ADAMTS6: variants seen among roughly 807,000 people sequenced by gnomAD.
The protein encoded by ADAMTS6 is A disintegrin and metalloproteinase with thrombospondin motifs 6.
In ADAMTS6, 23 loss-of-function variants were observed where a neutral mutation model predicts 144.3. The observed-to-expected ratio is 0.16, with a 90% CI of 0.11 to 0.23. ADAMTS6 has a LOEUF of 0.23. Among genes scored for constraint, ADAMTS6 ranks in the 10% least tolerant of loss-of-function variants. The pLI is 1.00. For synonymous variants in ADAMTS6, 444 were observed against 457.5 expected (o/e 0.97, Z 0.38); for missense variants, 999 against 1,379.6 (o/e 0.72, Z 4.37).
At chr5:65,375,568 C>G (rs1488013892) in intron 7 of ADAMTS6, among the ~76,000 whole-genome samples, 2 of 152,114 alleles carry the variant, frequency 1.3e-5, no homozygotes, top group African/African-American at 4.8e-5. Context: ...GAGATACCAT[C>G]TCACATCAGT....
At chr5:65,307,063 C>T (rs1744005680) in intron 9 of ADAMTS6, among the ~76,000 whole-genome samples, 1 of 152,004 alleles carries the variant, frequency 6.6e-6, no homozygotes. Flanking sequence ...TTCCTTATGT[C>T]TTATTTAAAA....
chr5:65,245,194 TCTA>T (rs1485459754), intron 14 of ADAMTS6, among the ~76,000 whole-genome samples: 1 of 152,170 alleles, frequency 6.6e-6, no homozygotes, highest in Non-Finnish European at 1.5e-5. Context: ...TCCTTACTCT[TCTA>T]CTCTGCTCTA....
chr5:65,162,734 C>G (rs988044039), intron 24 of ADAMTS6, among the ~76,000 whole-genome samples: 1 of 151,368 alleles, frequency 6.6e-6, no homozygotes, highest in Non-Finnish European at 1.5e-5. Context: ...TAACATAATA[C>G]CCAACACAGA....
intron 7 of ADAMTS6, among the ~76,000 whole-genome samples, chr5:65,433,321 A>C (rs773647592): frequency 3.3e-5 from 5 of 152,098 alleles, no homozygotes; most frequent in Admixed American, 6.6e-5. Flanking sequence ...CAAAAACCTC[A>C]CACATCATGT....
At chr5:65,443,590 T>TCCAGC (rs139383917) in intron 7 of ADAMTS6, among the ~76,000 whole-genome samples, 3,608 of 120,742 alleles carry the variant, frequency 0.03, 171 homozygotes, top group African/African-American at 0.11. Context: ...AACACTGCAC[T>TCCAGC]CCAGCCTAGG....
At chr5:65,251,362 A>C (rs1760142632) in intron 14 of ADAMTS6, 2 of 152,444 alleles carry the variant, frequency 1.3e-5, no homozygotes, top group African/African-American at 2.4e-5. Context: ...TCTGCCCTCC[A>C]AACCCAGGTT....
At chr5:65,212,575 T>C (rs1756620122) in intron 20 of ADAMTS6, among the ~76,000 whole-genome samples, 1 of 152,168 alleles carries the variant, frequency 6.6e-6, no homozygotes, top group African/African-American at 2.4e-5. Context: ...TCAGTTCTCA[T>C]GGCCTTTTTC....
intron 8 of ADAMTS6, among the ~76,000 whole-genome samples, chr5:65,330,555 T>C (rs1242887672): frequency 6.6e-6 from 1 of 152,060 alleles, no homozygotes; most frequent in African/African-American, 2.4e-5. Flanking sequence ...GTAAGCAATG[T>C]TCTGTGCTAG....
chr5:65,193,630 G>A (rs751438986), intron 21 of ADAMTS6, among the ~76,000 whole-genome samples: 2 of 151,954 alleles, frequency 1.3e-5, no homozygotes, highest in African/African-American at 2.4e-5. Flanking sequence ...ACTGTTAATC[G>A]GAATATAGAT....
At chr5:65,379,721 A>G (rs1202416475) in intron 7 of ADAMTS6, among the ~76,000 whole-genome samples, 1 of 151,992 alleles carries the variant, frequency 6.6e-6, no homozygotes, top group African/African-American at 2.4e-5. Context: ...CATGTCCTCG[A>G]TACCTGGCAA....
chr5:65,194,366 C>G (rs1415448001), intron 21 of ADAMTS6, among the ~76,000 whole-genome samples: 1 of 152,210 alleles, frequency 6.6e-6, no homozygotes, highest in Non-Finnish European at 1.5e-5. Flanking sequence ...TCCCAGTCAG[C>G]TACGCTATCA....
chr5:65,292,386 GTTT>G (rs200773430), intron 10 of ADAMTS6, among the ~76,000 whole-genome samples: 1 of 122,968 alleles, frequency 8.1e-6, no homozygotes. Flanking sequence ...CAGCACTTGT[GTTT>G]TTTTTTTTTT....
intron 9 of ADAMTS6, among the ~76,000 whole-genome samples, chr5:65,322,144 G>A (rs1023467580): frequency 3.9e-5 from 6 of 152,118 alleles, no homozygotes; most frequent in African/African-American, 1.4e-4. Context: ...CCCATTGCTT[G>A]TTTTCGTCAG....
intron 7 of ADAMTS6, among the ~76,000 whole-genome samples, chr5:65,367,853 T>G (rs1287952793): frequency 6.6e-6 from 1 of 151,976 alleles, no homozygotes; most frequent in Non-Finnish European, 1.5e-5. Flanking sequence ...CATATATATA[T>G]ATCTATATGT....
chr5:65,382,449 A>G (rs1752124092), intron 7 of ADAMTS6, among the ~76,000 whole-genome samples: 2 of 152,234 alleles, frequency 1.3e-5, no homozygotes, highest in Admixed American at 1.3e-4. Flanking sequence ...TTGGATACTT[A>G]TATTTTGGGT....
intron 7 of ADAMTS6, among the ~76,000 whole-genome samples, chr5:65,346,257 A>T (rs1748307927): frequency 6.6e-6 from 1 of 151,884 alleles, no homozygotes; most frequent in South Asian, 2.1e-4. Context: ...AACCAAATTC[A>T]ACAGCACCTT....
At chr5:65,311,712 T>C (rs1008399251) in intron 9 of ADAMTS6, among the ~76,000 whole-genome samples, 6 of 152,090 alleles carry the variant, frequency 3.9e-5, no homozygotes, top group Admixed American at 3.9e-4. Flanking sequence ...AGCTTACTCT[T>C]GATTTAGGTA....
At chr5:65,407,253 C>T (rs111941090) in intron 7 of ADAMTS6, among the ~76,000 whole-genome samples, 2 of 151,638 alleles carry the variant, frequency 1.3e-5, no homozygotes, top group South Asian at 2.1e-4. Context: ...GGGTTACCCA[C>T]AAAGGGAAGC....
chr5:65,373,822 C>T (rs1488914610), intron 7 of ADAMTS6, among the ~76,000 whole-genome samples: 1 of 152,016 alleles, frequency 6.6e-6, no homozygotes, highest in South Asian at 2.1e-4. Context: ...GAATTTTAGA[C>T]CAATATCCTT....
Sources: gnomAD v4.1 joint callset for allele counts (sites outside exome capture counted in the v4.1 genomes callset) on GRCh38, gnomAD v4.1.1 for gene constraint, MANE v1.5 for transcripts, NCBI Gene and HGNC (gene_info 2026-07-23, HGNC 2026-07-21) for gene names.